The following ARK2C variants were observed in gnomAD, a reference collection of about 807,000 sequenced individuals.
ARK2C encodes E3 ubiquitin-protein ligase ARK2C.
chr18:46,358,275 C>G, the ARK2C span, among the ~76,000 whole-genome samples: 1 of 152,040 alleles, frequency 6.6e-6, no homozygotes, highest in Non-Finnish European at 1.5e-5. Context: ...GCAGTGGGCT[C>G]CAGGAAGGGG....
At chr18:46,381,400 A>C in the ARK2C span, among the ~76,000 whole-genome samples, 3 of 152,228 alleles carry the variant, frequency 2.0e-5, no homozygotes, top group African/African-American at 7.2e-5. Flanking sequence ...CTCTGCAGTC[A>C]GAGCCCATGT....
chr18:46,357,890 C>T, the ARK2C span, among the ~76,000 whole-genome samples: 1 of 152,220 alleles, frequency 6.6e-6, no homozygotes, highest in South Asian at 2.1e-4. Flanking sequence ...ATTCCTTCCT[C>T]ATCTCTCCTC....
the ARK2C span, among the ~76,000 whole-genome samples, chr18:46,445,158 A>C: frequency 2.0e-5 from 3 of 152,080 alleles, no homozygotes; most frequent in African/African-American, 7.2e-5. Flanking sequence ...TTAAGTAGTT[A>C]CGTTTGTTTT....
chr18:46,349,029 A>C, the ARK2C span, among the ~76,000 whole-genome samples: 5 of 151,898 alleles, frequency 3.3e-5, no homozygotes, highest in African/African-American at 9.7e-5. Context: ...CATCTAGCTC[A>C]AGACTGGCCA....
chr18:46,395,505 G>A, the ARK2C span, among the ~76,000 whole-genome samples: 3 of 152,188 alleles, frequency 2.0e-5, no homozygotes, highest in African/African-American at 7.2e-5. Flanking sequence ...GCAGCCCTTA[G>A]AAGAATCAGC....
At chr18:46,402,796 T>A in the ARK2C span, among the ~76,000 whole-genome samples, 2 of 152,222 alleles carry the variant, frequency 1.3e-5, no homozygotes, top group Non-Finnish European at 2.9e-5. Context: ...CCACCACGCC[T>A]GGCCCCATTC....
the ARK2C span, among the ~76,000 whole-genome samples, chr18:46,422,671 A>G: frequency 2.6e-5 from 4 of 152,144 alleles, no homozygotes; most frequent in Non-Finnish European, 5.9e-5. Context: ...TTTAACTATG[A>G]TCAGGCCAAA....
chr18:46,445,313 A>T, the ARK2C span, among the ~76,000 whole-genome samples: 1 of 152,054 alleles, frequency 6.6e-6, no homozygotes, highest in Non-Finnish European at 1.5e-5. Flanking sequence ...CCCGAATAAG[A>T]CTCATAAATA....
chr18:46,344,001 G>C, the ARK2C span, among the ~76,000 whole-genome samples: 1 of 152,188 alleles, frequency 6.6e-6, no homozygotes, highest in Non-Finnish European at 1.5e-5. Flanking sequence ...TCCTCCTGCT[G>C]TCCTTTCCTT....
At chr18:46,419,271 A>C in the ARK2C span, among the ~76,000 whole-genome samples, 3 of 152,272 alleles carry the variant, frequency 2.0e-5, no homozygotes, top group South Asian at 6.2e-4. Context: ...GAATATGTCC[A>C]GTTCAAGGAA....
At chr18:46,436,226 A>G in the ARK2C span, among the ~76,000 whole-genome samples, 4 of 152,128 alleles carry the variant, frequency 2.6e-5, no homozygotes, top group East Asian at 7.7e-4. Flanking sequence ...AAATCTATCT[A>G]TCTAATCTAT....
chr18:46,444,041 G>C, the ARK2C span, among the ~76,000 whole-genome samples: 1 of 151,764 alleles, frequency 6.6e-6, no homozygotes, highest in African/African-American at 2.4e-5. Context: ...TAAGTTTACA[G>C]TTTTTTTTCC....
the ARK2C span, among the ~76,000 whole-genome samples, chr18:46,423,651 C>T: frequency 6.6e-6 from 1 of 152,152 alleles, no homozygotes; most frequent in Admixed American, 6.5e-5. Context: ...CACACTGCAG[C>T]ACTGGGACTC....
chr18:46,453,109 G>T, the ARK2C span, among the ~76,000 whole-genome samples: 1 of 152,166 alleles, frequency 6.6e-6, no homozygotes, highest in Admixed American at 6.5e-5. Flanking sequence ...CTGTGAATCA[G>T]TATAGGCAGC....
chr18:46,421,247 T>C, the ARK2C span, among the ~76,000 whole-genome samples: 1 of 152,250 alleles, frequency 6.6e-6, no homozygotes, highest in Non-Finnish European at 1.5e-5. Flanking sequence ...GCTTTAGTTT[T>C]GTTTCTCCCT....
the ARK2C span, among the ~76,000 whole-genome samples, chr18:46,420,591 T>C: frequency 6.6e-6 from 1 of 152,144 alleles, no homozygotes; most frequent in Non-Finnish European, 1.5e-5. Context: ...ACGCCTGTAA[T>C]CTCAGCACTT....
At chr18:46,339,414 G>A in the ARK2C span, among the ~76,000 whole-genome samples, 1 of 152,194 alleles carries the variant, frequency 6.6e-6, no homozygotes, top group Admixed American at 6.5e-5. Context: ...GGGTTAATGG[G>A]AAATCATGTT....
the ARK2C span, among the ~76,000 whole-genome samples, chr18:46,368,322 T>C: frequency 0.68 from 102,364 of 151,612 alleles, 35,105 homozygotes; most frequent in African/African-American, 0.79. Flanking sequence ...TTTAAGCACT[T>C]ACTCTTCCCC....
the ARK2C span, among the ~76,000 whole-genome samples, chr18:46,347,986 C>T: frequency 6.6e-6 from 1 of 152,142 alleles, no homozygotes; most frequent in Non-Finnish European, 1.5e-5. Context: ...CAGATGCTCA[C>T]GTAGCACTTA....
Sources: gnomAD v4.1 joint callset for allele counts (sites outside exome capture counted in the v4.1 genomes callset) on GRCh38, gnomAD v4.1.1 for gene constraint, MANE v1.5 for transcripts, NCBI Gene and HGNC (gene_info 2026-07-23, HGNC 2026-07-21) for gene names.